Variants in GSTCD observed in about 807,000 individuals in gnomAD.
The protein encoded by GSTCD is glutathione S-transferase C-terminal domain containing.
In GSTCD, 44 loss-of-function variants were observed where a neutral mutation model predicts 68.3. That is an observed-to-expected ratio of 0.64 (90% CI 0.51 to 0.83). The LOEUF (loss-of-function observed/expected upper bound fraction) is 0.83, where lower values mean the gene tolerates loss of function less well. GSTCD is among the 40% of genes least tolerant of loss of function. The probability of loss-of-function intolerance (pLI) is 0.00; values close to 1 mark genes in which losing one functional copy is unlikely to be tolerated. For missense variants in GSTCD, 739 were observed against 735.9 expected (o/e 1.00, Z -0.05); for synonymous variants, 273 against 255.2 (o/e 1.07, Z -0.67).
At chr4:105,717,271 T>TC (rs1476319035) in intron 1 of GSTCD, among the ~76,000 whole-genome samples, 1 of 152,158 alleles carries the variant, frequency 6.6e-6, no homozygotes, top group Non-Finnish European at 1.5e-5. Context: ...TTAATTTATT[T>TC]CCCCTTCTAT....
intron 5 of GSTCD, among the ~76,000 whole-genome samples, chr4:105,778,207 T>C (rs1735144344): frequency 6.6e-6 from 1 of 152,170 alleles, no homozygotes; most frequent in South Asian, 2.1e-4. Flanking sequence ...GGTCGGTTTG[T>C]TAATAAATGC....
At chr4:105,843,592 G>C (rs1220893338) in intron 11 of GSTCD, 1 of 152,220 alleles carries the variant, frequency 6.6e-6, no homozygotes, top group African/African-American at 2.4e-5. Flanking sequence ...GCAAGAGAGA[G>C]AGCAAGAGAA....
At chr4:105,756,748 G>A (rs993800714) in intron 5 of GSTCD, among the ~76,000 whole-genome samples, 7 of 152,012 alleles carry the variant, frequency 4.6e-5, no homozygotes, top group Admixed American at 4.6e-4. Context: ...GCAGATATCT[G>A]ACAGAGTAAT....
chr4:105,821,869 T>C (rs887916059), intron 5 of GSTCD, among the ~76,000 whole-genome samples: 4 of 151,912 alleles, frequency 2.6e-5, no homozygotes, highest in African/African-American at 9.7e-5. Context: ...TTTTTTTATA[T>C]AGTTTTTTAT....
At chr4:105,719,584 T>C (rs1732799025) in intron 3 of GSTCD, 57 bp downstream of exon 3, 1 of 1,269,144 alleles carries the variant, frequency 7.9e-7, no homozygotes, top group Non-Finnish European at 1.1e-6. Flanking sequence ...TGAAATTGCC[T>C]AGGTTTGAAT....
chr4:105,800,231 G>A lies in GSTCD; in HGVS notation c.1241-22723G>A, dbSNP rs148773887. ...GCAAGTCACATCTTATGTGGATGGC[G>A]GCAGGCAAGAAGAGAGCTTGTGCAA... On this transcript the variant is annotated intron_variant, in intron 5 of 11. Transcript: ENST00000515279. Among the ~76,000 whole-genome samples, 635 of 152,160 alleles carry A rather than the reference G, an allele frequency of 4.2e-3. 2 individuals are homozygous for A. The highest frequency in any genetic ancestry group is 0.024 in the Middle Eastern group (7 of 294).
At chr4:105,728,061 A>G (rs1733100561) in intron 4 of GSTCD, among the ~76,000 whole-genome samples, 1 of 152,154 alleles carries the variant, frequency 6.6e-6, no homozygotes, top group Admixed American at 6.6e-5. Flanking sequence ...GCAATGAAAC[A>G]TGATTATATA....
chr4:105,823,414 A>G, intron 7 of GSTCD, 139 bp downstream of exon 7: 1 of 584,268 alleles, frequency 1.7e-6, no homozygotes. Flanking sequence ...CTTTTCTTTG[A>G]AATAAACTTT....
At chr4:105,715,825 A>G (rs1359077241) in intron 1 of GSTCD, among the ~76,000 whole-genome samples, 1 of 152,066 alleles carries the variant, frequency 6.6e-6, no homozygotes, top group African/African-American at 2.4e-5. Flanking sequence ...TCCTTCTAAT[A>G]TGTCATGTTT....
intron 5 of GSTCD, among the ~76,000 whole-genome samples, chr4:105,794,885 A>G (rs865959688): frequency 2.3e-5 from 3 of 128,858 alleles, no homozygotes; most frequent in Non-Finnish European, 3.3e-5. Context: ...CTATCTATCT[A>G]TCTATCTATG....
At chr4:105,729,051 A>G (rs1319536942) in intron 4 of GSTCD, among the ~76,000 whole-genome samples, 2 of 151,972 alleles carry the variant, frequency 1.3e-5, no homozygotes, top group Non-Finnish European at 1.5e-5. Context: ...TTCTTTTTTT[A>G]TTATTTCTAT....
At chr4:105,718,118 TC>T (rs1732740843) in intron 2 of GSTCD, 79 bp downstream of exon 2, 2 of 1,116,184 alleles carry the variant, frequency 1.8e-6, no homozygotes, top group Non-Finnish European at 2.5e-6. Flanking sequence ...TATTTTAACT[TC>T]CTATTAGGAA....
chr4:105,744,231 C>T (rs918952217), intron 5 of GSTCD, among the ~76,000 whole-genome samples: 10 of 152,238 alleles, frequency 6.6e-5, no homozygotes, highest in South Asian at 6.2e-4. Context: ...ATCACAGATG[C>T]GATGTTTTAT....
intron 5 of GSTCD, among the ~76,000 whole-genome samples, chr4:105,764,631 C>G (rs1734537104): frequency 6.6e-6 from 1 of 152,198 alleles, no homozygotes; most frequent in Non-Finnish European, 1.5e-5. Flanking sequence ...ATGTCTCTTT[C>G]TCTTATAAGG....
chr4:105,753,075 CT>C (rs1214278176), intron 5 of GSTCD, among the ~76,000 whole-genome samples: 1 of 151,994 alleles, frequency 6.6e-6, no homozygotes, highest in Non-Finnish European at 1.5e-5. Flanking sequence ...TTCCTAAGCA[CT>C]TTATATTTTT....
At chr4:105,791,644 T>G (rs921491747) in intron 5 of GSTCD, among the ~76,000 whole-genome samples, 14 of 152,088 alleles carry the variant, frequency 9.2e-5, no homozygotes, top group Non-Finnish European at 2.9e-5. Flanking sequence ...TTTTAAAAAT[T>G]GTCTATTTTC....
At chr4:105,742,160 G>C (rs532351015) in intron 5 of GSTCD, among the ~76,000 whole-genome samples, 1 of 152,024 alleles carries the variant, frequency 6.6e-6, no homozygotes, top group Non-Finnish European at 1.5e-5. Context: ...ACTAATAAAG[G>C]CTGTATTAAT....
At chr4:105,764,168 A>G (rs993884376) in intron 5 of GSTCD, among the ~76,000 whole-genome samples, 43 of 152,290 alleles carry the variant, frequency 2.8e-4, no homozygotes, top group African/African-American at 1.0e-3. Context: ...TAATGTATTT[A>G]GTTATATATA....
intron 5 of GSTCD, among the ~76,000 whole-genome samples, chr4:105,749,606 AG>A (rs1733937018): frequency 6.7e-6 from 1 of 150,190 alleles, no homozygotes; most frequent in Non-Finnish European, 1.5e-5. Flanking sequence ...GAACATCCAT[AG>A]GCAAAAAAAA....
Sources: allele counts gnomAD v4.1 joint callset (sites outside exome capture counted in the v4.1 genomes callset), GRCh38; gene constraint gnomAD v4.1.1; transcripts MANE v1.5; gene names NCBI Gene and HGNC (gene_info 2026-07-23, HGNC 2026-07-21).